SH3GLB2: variants seen among roughly 807,000 people sequenced by gnomAD.
The protein encoded by SH3GLB2 is endophilin-B2.
Under a neutral mutation model 48.0 loss-of-function variants are expected in SH3GLB2, and 24 were observed. The observed-to-expected ratio is 0.50, with a 90% CI of 0.36 to 0.70. SH3GLB2 has a LOEUF of 0.70. Among genes scored for constraint, SH3GLB2 ranks in the 30% least tolerant of loss-of-function variants. The pLI, the probability that SH3GLB2 is intolerant of heterozygous loss-of-function variation, is 0.00. For synonymous variants in SH3GLB2, 227 were observed against 207.6 expected (o/e 1.09, Z -0.80); for missense variants, 425 against 516.0 (o/e 0.82, Z 1.71).
At chr9:129,020,114 G>A (rs1843689309) in intron 3 of SH3GLB2, among the ~76,000 whole-genome samples, 1 of 145,350 alleles carries the variant, frequency 6.9e-6, no homozygotes, top group South Asian at 2.2e-4. Flanking sequence ...GCTGAGGCAG[G>A]AGAATTGCTT....
At chr9:129,022,241 C>T in intron 2 of SH3GLB2, 41 bp downstream of exon 2, 2 of 1,606,344 alleles carry the variant, frequency 1.2e-6, no homozygotes, top group Non-Finnish European at 1.7e-6. Context: ...ATCCCTGCCC[C>T]ACGACTACAT....
chr9:129,008,278 T>C lies in SH3GLB2; in HGVS notation c.*406A>G. The C allele has an allele frequency of 4.5e-6, 1 of 221,026 alleles. No homozygotes were observed. Among genetic ancestry groups the C allele is most frequent in the East Asian group, 1.2e-4 (1 of 8,034 alleles). 13.7% of individuals were successfully genotyped at this position (221,026 alleles called of 1,614,324 possible). Reference sequence around the variant, plus strand: ...AGGGGCTGCCAGAGCCCTGTGTGCCTTGCCGCATTCCCCTGATGCAGCTTT... The same window carrying C: ...AGGGGCTGCCAGAGCCCTGTGTGCCCTGCCGCATTCCCCTGATGCAGCTTT... On this transcript the variant is annotated 3_prime_UTR_variant, in exon 11 of 11. Coordinates refer to ENST00000372564, the MANE Select transcript of SH3GLB2 (RefSeq NM_020145.4).
intron 6 of SH3GLB2, 99 bp downstream of exon 6, chr9:129,012,137 A>C (rs957171330): frequency 4.4e-6 from 3 of 677,880 alleles, no homozygotes; most frequent in Middle Eastern, 4.9e-4. Context: ...CCCCCGCCTT[A>C]CCCAAGCTGG....
chr9:129,009,967 C>T lies in SH3GLB2; in HGVS notation c.739-96G>A, dbSNP rs537672724. 1.2e-4 allele frequency: 173 copies of T among 1,400,524 alleles called. 1 individual carries two copies. In the Middle Eastern group the frequency reaches 2.0e-3, roughly 16 times the overall value. 86.8% of individuals were successfully genotyped at this position (1,400,524 alleles called of 1,614,324 possible). A position where few individuals can be genotyped will look rare whatever the true frequency, so the allele number is the denominator to read the frequency against. On this transcript the variant is annotated intron_variant, in intron 8 of 10. Coordinates refer to ENST00000372564, the MANE Select transcript of SH3GLB2 (RefSeq NM_020145.4). ...CGTCCTCTACCAGACCTTGCTCCGG[C>T]ATTCCAGGGTGCCCTGCCCCTGCGC...
chr9:129,020,246 A>G (rs1381549874), intron 3 of SH3GLB2, among the ~76,000 whole-genome samples: 1 of 147,626 alleles, frequency 6.8e-6, no homozygotes, highest in African/African-American at 2.5e-5. Context: ...AGGTTCCCAG[A>G]TAGCACACAA....
intron 1 of SH3GLB2, among the ~76,000 whole-genome samples, chr9:129,022,939 G>T (rs975111465): frequency 2.0e-5 from 3 of 152,226 alleles, no homozygotes; most frequent in African/African-American, 7.2e-5. Context: ...CCTGATTCAA[G>T]TCTTAGTTCT....
rs1316652417 is a variant in SH3GLB2 at position 129,011,200 on chromosome 9, G to A, written c.625-507C>T. The A allele has an allele frequency of 6.5e-6, 1 of 153,804 alleles. No homozygotes were observed. Among genetic ancestry groups the A allele is most frequent in the Non-Finnish European group, 1.4e-5 (1 of 69,186 alleles). 9.5% of individuals were successfully genotyped at this position (153,804 alleles called of 1,614,324 possible). On this transcript the variant is annotated intron_variant, in intron 6 of 10. Coordinates refer to ENST00000372564, the MANE Select transcript of SH3GLB2 (RefSeq NM_020145.4). This position sits in a 1 kb window ranked among gnomAD's most constrained non-coding sequence, Gnocchi z 4.5. Reference sequence around the variant, plus strand: ...TCCACTGGGCACAGGGAGGAGGCGGGAAGTGGCATCCAGACCCTGAAGAAG... The same window carrying A: ...TCCACTGGGCACAGGGAGGAGGCGGAAAGTGGCATCCAGACCCTGAAGAAG...
chr9:129,009,911 C>G (rs1843009220), intron 8 of SH3GLB2, 40 bp from the exon 9 acceptor site: 2 of 1,576,660 alleles, frequency 1.3e-6, no homozygotes, highest in East Asian at 4.5e-5. Context: ...TAACCTCCCG[C>G]CCTCAGAACA....
rs1843292293 is a variant in SH3GLB2 at position 129,014,220 on chromosome 9, G to C, written c.561+191C>G. On this transcript the variant is annotated intron_variant, in intron 5 of 10. Transcript: ENST00000372564. This position sits in a 1 kb window ranked among gnomAD's most constrained non-coding sequence, Gnocchi z 4.1. The stretch of plus-strand genomic sequence containing the variant: ...ACCGTAGATATCTCCCTGGGAACCA[G>C]AGCTCGGGGGCCACCAAGGCTCCCT... Among the ~76,000 whole-genome samples the C allele has an allele frequency of 6.6e-6, 1 of 152,168 alleles. No individual in the cohort carries two copies.
chr9:129,019,708 CAAAA>C (rs1216460109), intron 3 of SH3GLB2, among the ~76,000 whole-genome samples: 1 of 57,872 alleles, frequency 1.7e-5, no homozygotes. Flanking sequence ...GACTCTGCCT[CAAAA>C]AAAAAAAAAA....
At chr9:129,026,993 G>T (rs1844201301) in intron 1 of SH3GLB2, among the ~76,000 whole-genome samples, 1 of 152,168 alleles carries the variant, frequency 6.6e-6, no homozygotes, top group Non-Finnish European at 1.5e-5. Context: ...GCCCGGGTTG[G>T]GGGTGGGGAG....
chr9:129,020,939 T>C (rs1414169201), intron 3 of SH3GLB2, 152 bp downstream of exon 3: 3 of 986,468 alleles, frequency 3.0e-6, no homozygotes, highest in Admixed American at 7.3e-5. Flanking sequence ...TTCCATTTTT[T>C]ACTCTTTTTT....
Position 129,014,016 on chromosome 9 carries a change from C to T in SH3GLB2, c.561+395G>A, listed in dbSNP as rs1385751661. ...CCACACCATCGTGGGGGCGCCTGAG[C>T]ACAGGGACCCTCGGCCTGACGTTCA... On this transcript the variant is annotated intron_variant, in intron 5 of 10. Coordinates refer to ENST00000372564, the MANE Select transcript of SH3GLB2 (RefSeq NM_020145.4). This position sits in a 1 kb window ranked among gnomAD's most constrained non-coding sequence, Gnocchi z 4.1. The T allele has an allele frequency of 1.1e-5, 5 of 471,786 alleles. No homozygotes were observed. Among genetic ancestry groups the T allele is most frequent in the East Asian group, 6.6e-5 (1 of 15,232 alleles). The allele number at this position is 471,786 out of a possible 1,614,324, so 29.2% of individuals were successfully genotyped here.
rs956917955 is a variant in SH3GLB2 at position 129,007,801 on chromosome 9, CTT to C, written c.*881_*882del. On this transcript the variant is annotated 3_prime_UTR_variant, in exon 11 of 11. Transcript: ENST00000372564. The stretch of plus-strand genomic sequence containing the variant: ...CGCTCCACAATCCAAATTTAGGAAA[CTT>C]TTTCTTAGGAATAAAACGTTCCTTG... 13 of 152,356 alleles carry C rather than the reference CTT, an allele frequency of 8.5e-5. No individual in the cohort carries two copies. The highest frequency in any genetic ancestry group is 3.1e-4 in the African/African-American group (13 of 41,568). 9.4% of individuals were successfully genotyped at this position (152,356 alleles called of 1,614,324 possible). A position where few individuals can be genotyped will look rare whatever the true frequency, so the allele number is the denominator to read the frequency against.
At chr9:129,015,124 T>G (rs1208917188) in intron 3 of SH3GLB2, among the ~76,000 whole-genome samples, 1 of 152,160 alleles carries the variant, frequency 6.6e-6, no homozygotes, top group Non-Finnish European at 1.5e-5. Context: ...AATGCAGCCA[T>G]TATAAAGATC....
intron 9 of SH3GLB2, 141 bp downstream of exon 9, chr9:129,009,630 G>A (rs910348449): frequency 1.2e-5 from 16 of 1,381,092 alleles, no homozygotes; most frequent in African/African-American, 1.0e-4. Context: ...CACATGAGAT[G>A]CCCGCACCCA....
intron 5 of SH3GLB2, chr9:129,013,194 T>C (rs1190152206): frequency 1.5e-6 from 1 of 674,850 alleles, no homozygotes; most frequent in East Asian, 2.7e-5. Context: ...TGCGTGCTTA[T>C]GGGGACAGAG....
At chr9:129,017,971 G>T (rs1219548370) in intron 3 of SH3GLB2, among the ~76,000 whole-genome samples, 1 of 149,552 alleles carries the variant, frequency 6.7e-6, no homozygotes, top group Non-Finnish European at 1.5e-5. Context: ...TGTAATCTCA[G>T]CTACTCAGAA....
chr9:129,027,956 G>C, intron 1 of SH3GLB2, 136 bp downstream of exon 1: 1 of 797,518 alleles, frequency 1.3e-6, no homozygotes, highest in Non-Finnish European at 1.8e-6. Flanking sequence ...GGCTCAGGGG[G>C]GCAGAGGTGT....
Sources: allele counts gnomAD v4.1 joint callset (sites outside exome capture counted in the v4.1 genomes callset), GRCh38; gene constraint gnomAD v4.1.1; non-coding constraint Gnocchi (gnomAD v3.1); transcripts MANE v1.5; gene names NCBI Gene and HGNC (gene_info 2026-07-23, HGNC 2026-07-21).